Variants in ZRANB3 observed in about 807,000 individuals in gnomAD.
ZRANB3 encodes DNA annealing helicase and endonuclease ZRANB3.
A neutral mutation model predicts 133.8 loss-of-function variants in ZRANB3; 125 were observed. The observed-to-expected ratio is 0.93, with a 90% CI of 0.81 to 1.08. The LOEUF (loss-of-function observed/expected upper bound fraction) is 1.08, where lower values mean the gene tolerates loss of function less well. Among genes scored for constraint, ZRANB3 ranks in the 50% least tolerant of loss-of-function variants. ZRANB3 has a pLI of 0.00. For synonymous variants in ZRANB3, 387 were observed against 432.7 expected (o/e 0.89, Z 1.31); for missense variants, 1,229 against 1,275.5 (o/e 0.96, Z 0.56).
At chr2:135,464,200 T>G (rs184427067) in intron 2 of ZRANB3, among the ~76,000 whole-genome samples, 8 of 152,298 alleles carry the variant, frequency 5.3e-5, no homozygotes, top group Admixed American at 5.2e-4. Context: ...TTTTTAAATA[T>G]AAATGCTTTT....
intron 1 of ZRANB3, among the ~76,000 whole-genome samples, chr2:135,524,466 T>C (rs1156953696): frequency 6.6e-6 from 1 of 152,210 alleles, no homozygotes; most frequent in Admixed American, 6.5e-5. Flanking sequence ...AAATTCTGTA[T>C]TGTTACTATG....
intron 10 of ZRANB3, among the ~76,000 whole-genome samples, chr2:135,269,602 A>T (rs1680414808): frequency 1.3e-5 from 2 of 152,186 alleles, no homozygotes; most frequent in African/African-American, 4.8e-5. Flanking sequence ...TCTTCCTGTG[A>T]TGTTATATTC....
chr2:135,380,126 C>G (rs1057037354), intron 3 of ZRANB3, among the ~76,000 whole-genome samples: 3 of 152,126 alleles, frequency 2.0e-5, no homozygotes, highest in African/African-American at 7.2e-5. Context: ...CCTAAATATA[C>G]ATGCACCCAA....
intron 3 of ZRANB3, among the ~76,000 whole-genome samples, chr2:135,384,203 A>G (rs1408028286): frequency 2.0e-5 from 3 of 152,220 alleles, no homozygotes; most frequent in Admixed American, 2.0e-4. Context: ...CCAACAGAGA[A>G]TACTATAAAC....
At chr2:135,299,084 C>A (rs1383804556) in intron 8 of ZRANB3, among the ~76,000 whole-genome samples, 1 of 152,118 alleles carries the variant, frequency 6.6e-6, no homozygotes, top group East Asian at 1.9e-4. Flanking sequence ...GAGATTATGT[C>A]TTTTGTCTTC....
At chr2:135,512,671 G>C (rs1476447865) in intron 1 of ZRANB3, among the ~76,000 whole-genome samples, 1 of 151,606 alleles carries the variant, frequency 6.6e-6, no homozygotes, top group East Asian at 1.9e-4. Context: ...CCAAAGTATA[G>C]CTAGTATTGC....
intron 1 of ZRANB3, chr2:135,510,521 T>G (rs1210561340): frequency 1.6e-6 from 1 of 624,368 alleles, no homozygotes; most frequent in East Asian, 2.9e-5. Flanking sequence ...AGGGTTTGTA[T>G]GGCCGCGTGA....
chr2:135,234,874 A>T (rs939429157), intron 12 of ZRANB3, among the ~76,000 whole-genome samples: 4 of 152,202 alleles, frequency 2.6e-5, no homozygotes, highest in Admixed American at 1.3e-4. Context: ...TCACAATTAA[A>T]AGAACTAGAG....
At chr2:135,474,931 G>C (rs1691440229) in intron 2 of ZRANB3, among the ~76,000 whole-genome samples, 1 of 152,080 alleles carries the variant, frequency 6.6e-6, no homozygotes, top group Admixed American at 6.6e-5. Context: ...CAACTCAAAA[G>C]GGCATTACCT....
intron 19 of ZRANB3, among the ~76,000 whole-genome samples, chr2:135,206,687 G>A (rs1050570824): frequency 1.3e-5 from 2 of 148,502 alleles, no homozygotes; most frequent in Admixed American, 1.4e-4. Context: ...GAGGGAAGGA[G>A]GAAAGGAGAA....
intron 2 of ZRANB3, among the ~76,000 whole-genome samples, chr2:135,451,032 T>C (rs951493045): frequency 1.3e-5 from 2 of 152,240 alleles, no homozygotes; most frequent in African/African-American, 4.8e-5. Context: ...CTGCTCATAA[T>C]TCACACAGAA....
Position 135,197,998 on chromosome 2 carries a change from TA to T in ZRANB3, c.*2343del, listed in dbSNP as rs1312519098. 7 of 152,334 alleles carry T rather than the reference TA, an allele frequency of 4.6e-5. No homozygotes were observed. Among genetic ancestry groups the T allele is most frequent in the African/African-American group, 1.7e-4 (7 of 41,452 alleles). The allele number at this position is 152,334 out of a possible 1,614,324, so 9.4% of individuals were successfully genotyped here. ...GTTGTTGTTTTCTTAGCCTAAACTG[TA>T]TCTTGCAGCTTCTCTGAGTCTTTTC... is the stretch of plus-strand genomic sequence containing the variant. On this transcript the variant is annotated 3_prime_UTR_variant, in exon 21 of 21. Transcript: ENST00000264159.
chr2:135,478,839 A>G (rs1388196102), intron 2 of ZRANB3, among the ~76,000 whole-genome samples: 1 of 151,794 alleles, frequency 6.6e-6, no homozygotes, highest in Non-Finnish European at 1.5e-5. Flanking sequence ...TATGTGTTAT[A>G]TATGTTTATA....
chr2:135,287,313 T>A (rs910405249), intron 8 of ZRANB3, among the ~76,000 whole-genome samples: 2 of 152,256 alleles, frequency 1.3e-5, no homozygotes, highest in African/African-American at 2.4e-5. Flanking sequence ...GCTGTTTTGG[T>A]GACTATAACC....
chr2:135,498,403 G>C (rs1402529915), intron 2 of ZRANB3, among the ~76,000 whole-genome samples: 1 of 152,114 alleles, frequency 6.6e-6, no homozygotes, highest in East Asian at 1.9e-4. Context: ...AGATTTCATG[G>C]ACACTTATCA....
chr2:135,215,798 C>T (rs966297197), intron 17 of ZRANB3, among the ~76,000 whole-genome samples: 2 of 152,160 alleles, frequency 1.3e-5, no homozygotes, highest in Admixed American at 6.5e-5. Context: ...AGTGGTAATA[C>T]AGACATTTTG....
intron 2 of ZRANB3, among the ~76,000 whole-genome samples, chr2:135,416,695 C>T (rs532330137): frequency 2.0e-5 from 3 of 152,048 alleles, no homozygotes; most frequent in East Asian, 1.9e-4. Context: ...ATCACACTAC[C>T]TGACTTCAAA....
At chr2:135,399,515 G>GT (rs1158500909) in intron 2 of ZRANB3, among the ~76,000 whole-genome samples, 1 of 151,880 alleles carries the variant, frequency 6.6e-6, no homozygotes, top group African/African-American at 2.4e-5. Context: ...AAACTGGAGG[G>GT]TTTTTTTTAC....
At chr2:135,507,839 C>T (rs995504599) in intron 1 of ZRANB3, among the ~76,000 whole-genome samples, 3 of 151,910 alleles carry the variant, frequency 2.0e-5, no homozygotes, top group Non-Finnish European at 4.4e-5. Flanking sequence ...CCTGTAGTCC[C>T]AACTACTTGG....
Sources: gnomAD v4.1 joint callset for allele counts (sites outside exome capture counted in the v4.1 genomes callset) on GRCh38, gnomAD v4.1.1 for gene constraint, MANE v1.5 for transcripts, NCBI Gene and HGNC (gene_info 2026-07-23, HGNC 2026-07-21) for gene names.